The following NBEA variants were observed in gnomAD, a reference collection of about 807,000 sequenced individuals.
NBEA encodes the protein lysosomal-trafficking regulator 2.
In NBEA, 44 loss-of-function variants were observed where a neutral mutation model predicts 343.4. The ratio of observed to expected loss-of-function variants is 0.13; its 90% CI spans 0.10 to 0.16. The LOEUF (loss-of-function observed/expected upper bound fraction) is 0.16. Ranked by LOEUF, NBEA falls within the 10% of genes least tolerant of loss-of-function variation. The pLI, the probability that NBEA is intolerant of heterozygous loss-of-function variation, is 1.00. For synonymous variants in NBEA, 1,175 were observed against 1,238.7 expected (o/e 0.95, Z 1.08); for missense variants, 2,555 against 3,631.3 (o/e 0.70, Z 7.62).
At chr13:34,949,744 A>T (rs1018243009) in intron 1 of NBEA, among the ~76,000 whole-genome samples, 5 of 152,136 alleles carry the variant, frequency 3.3e-5, no homozygotes, top group African/African-American at 1.2e-4. Flanking sequence ...TTATAGTTAA[A>T]TTCATTATAT....
intron 40 of NBEA, among the ~76,000 whole-genome samples, chr13:35,464,403 C>A (rs1396326113): frequency 6.6e-6 from 1 of 152,192 alleles, no homozygotes; most frequent in Non-Finnish European, 1.5e-5. Context: ...TCGAAGACCA[C>A]AACTTGTCCA....
intron 36 of NBEA, among the ~76,000 whole-genome samples, chr13:35,329,909 T>C (rs928833240): frequency 1.3e-4 from 20 of 152,022 alleles, no homozygotes; most frequent in African/African-American, 4.6e-4. Context: ...CCTTCTTTAC[T>C]TCTCACACTG....
intron 38 of NBEA, among the ~76,000 whole-genome samples, chr13:35,397,471 A>G (rs1454344046): frequency 6.6e-6 from 1 of 152,210 alleles, no homozygotes. Flanking sequence ...TTTTGTTTAC[A>G]TACTCTGCTT....
At chr13:35,385,785 C>G (rs1292299827) in intron 38 of NBEA, among the ~76,000 whole-genome samples, 3 of 152,130 alleles carry the variant, frequency 2.0e-5, no homozygotes. Flanking sequence ...GCAATAAAAT[C>G]TCTATTGCTG....
chr13:35,475,010 T>TA (rs1233314305), intron 41 of NBEA: 1 of 1,569,234 alleles, frequency 6.4e-7, no homozygotes, highest in Admixed American at 1.8e-5. Flanking sequence ...TTACACTTAA[T>TA]AAGGACTTTG....
chr13:35,260,835 G>C (rs904313200), intron 34 of NBEA, among the ~76,000 whole-genome samples: 1 of 152,186 alleles, frequency 6.6e-6, no homozygotes, highest in Non-Finnish European at 1.5e-5. Flanking sequence ...TCCTGGGACA[G>C]AGAGTAGACA....
rs189094420 is a variant in NBEA at position 35,351,284 on chromosome 13, A to G, written c.6013-873A>G. On this transcript the variant is annotated intron_variant, in intron 37 of 58. Coordinates refer to ENST00000379939, the MANE Select transcript of NBEA (RefSeq NM_001385012.1). ...TCTTCCTAGTTATATTACTTGTATT[A>G]CACATTTATTAATGTTAAAAGTTAT... 1.7e-3 allele frequency among the ~76,000 whole-genome samples: 255 copies of G among 152,110 alleles called. 1 individual carries two copies. Among genetic ancestry groups the G allele is most frequent in the Non-Finnish European group, 2.7e-3 (182 of 67,890 alleles).
intron 36 of NBEA, among the ~76,000 whole-genome samples, chr13:35,342,802 T>G (rs2039659346): frequency 6.6e-6 from 1 of 151,978 alleles, no homozygotes; most frequent in Non-Finnish European, 1.5e-5. Context: ...GTAAAAAAGA[T>G]GGAATTAAAA....
chr13:35,300,630 A>G (rs995151168), intron 35 of NBEA, among the ~76,000 whole-genome samples: 3 of 152,188 alleles, frequency 2.0e-5, no homozygotes, highest in African/African-American at 4.8e-5. Context: ...CATTGCTATC[A>G]TAAATTCTTA....
intron 34 of NBEA, among the ~76,000 whole-genome samples, chr13:35,246,420 C>T (rs961598305): frequency 6.6e-6 from 1 of 152,150 alleles, no homozygotes; most frequent in African/African-American, 2.4e-5. Context: ...TAGGCTTTGT[C>T]AGAGGGAAGA....
intron 38 of NBEA, among the ~76,000 whole-genome samples, chr13:35,373,469 A>T (rs1594392763): frequency 6.6e-6 from 1 of 152,190 alleles, no homozygotes; most frequent in East Asian, 1.9e-4. Flanking sequence ...ACTTTGGGAG[A>T]TCGAGGCAGG....
intron 1 of NBEA, among the ~76,000 whole-genome samples, chr13:35,031,775 C>CTT (rs1017461043): frequency 2.0e-5 from 3 of 151,392 alleles, no homozygotes; most frequent in African/African-American, 7.3e-5. Flanking sequence ...CAATAGTTAT[C>CTT]TTTTTTGCTT....
At chr13:35,201,668 A>G (rs181319959) in intron 31 of NBEA, among the ~76,000 whole-genome samples, 2 of 152,174 alleles carry the variant, frequency 1.3e-5, no homozygotes, top group East Asian at 1.9e-4. Flanking sequence ...CCCAACCCAT[A>G]TAATATGATA....
chr13:35,130,449 A>G (rs2067355983), intron 17 of NBEA, among the ~76,000 whole-genome samples: 1 of 152,078 alleles, frequency 6.6e-6, no homozygotes, highest in Non-Finnish European at 1.5e-5. Flanking sequence ...TTAAATATAT[A>G]AAAATAAACT....
At position 35,671,871 on chromosome 13, in the gene NBEA, A is replaced by G. The variant is rs1430634128; in HGVS notation, c.*880A>G. On this transcript the variant is annotated 3_prime_UTR_variant, in exon 59 of 59. Coordinates refer to ENST00000379939, the MANE Select transcript of NBEA (RefSeq NM_001385012.1). ...TAGGAGTCATGGGCGTTAGTTCTGT[A>G]GTAATAACTTCCCAGCACCTGGACA... The G allele has an allele frequency of 6.6e-6, 1 of 152,536 alleles. No homozygotes were observed. Among genetic ancestry groups the G allele is most frequent in the Admixed American group, 6.5e-5 (1 of 15,284 alleles). The allele number at this position is 152,536 out of a possible 1,614,324, so 9.4% of individuals were successfully genotyped here.
chr13:35,366,579 T>C (rs1441716977), intron 38 of NBEA, among the ~76,000 whole-genome samples: 1 of 151,082 alleles, frequency 6.6e-6, no homozygotes, highest in African/African-American at 2.4e-5. Flanking sequence ...TATTGTATTA[T>C]ATCTCCATTG....
rs118003023 is a variant in NBEA at position 34,943,096 on chromosome 13, G to T, written c.276G>T (p.Val92=). The change falls in exon 1 of 59, where the codon GTG becomes GTT. Residue 92 remains valine, a synonymous_variant. Coordinates refer to ENST00000379939, the MANE Select transcript of NBEA (RefSeq NM_001385012.1). ...QVGEVSNRDI[V]ETVLNLLVGG... ...GAGAGGTCAGCAACAGGGACATCGT[G>T]GAGACGGTGCTCAACCTGGTAAGGA... 332 of 1,613,626 alleles carry T rather than the reference G, an allele frequency of 2.1e-4. No homozygotes were observed. The highest frequency in any genetic ancestry group is 2.7e-4 in the Non-Finnish European group (324 of 1,179,754).
intron 18 of NBEA, among the ~76,000 whole-genome samples, chr13:35,148,723 A>G (rs1338110687): frequency 6.6e-6 from 1 of 152,156 alleles, no homozygotes; most frequent in Non-Finnish European, 1.5e-5. Context: ...TTTATCACAA[A>G]ATATTTATCT....
At chr13:35,298,855 T>C (rs979737169) in intron 35 of NBEA, among the ~76,000 whole-genome samples, 2 of 152,100 alleles carry the variant, frequency 1.3e-5, no homozygotes, top group Admixed American at 6.5e-5. Context: ...CATTCATTAT[T>C]CATTTCTTAC....
Sources: gnomAD v4.1 joint callset for allele counts (sites outside exome capture counted in the v4.1 genomes callset) on GRCh38, gnomAD v4.1.1 for gene constraint, MANE v1.5 for transcripts, NCBI Gene and HGNC (gene_info 2026-07-23, HGNC 2026-07-21) for gene names.